Variants in DGKI observed in about 807,000 individuals in gnomAD.
The protein encoded by DGKI is diacylglycerol kinase iota.
In DGKI, 55 loss-of-function variants were observed where a neutral mutation model predicts 147.5. The ratio of observed to expected loss-of-function variants is 0.37; its 90% confidence interval spans 0.30 to 0.47. The LOEUF is 0.47. DGKI is among the 20% of genes least tolerant of loss of function. The pLI is 1.00. For synonymous variants in DGKI, 469 were observed against 477.1 expected (o/e 0.98, Z 0.22); for missense variants, 1,007 against 1,323.8 (o/e 0.76, Z 3.71).
chr7:137,412,128 T>C (rs1812184960), intron 29 of DGKI, 42 bp downstream of exon 29: 2 of 1,572,020 alleles, frequency 1.3e-6, no homozygotes, highest in Admixed American at 3.3e-5. Context: ...TGATTTAAAG[T>C]TCTTAAAGCA....
intron 1 of DGKI, among the ~76,000 whole-genome samples, chr7:137,761,023 G>A (rs772622801): frequency 2.6e-5 from 4 of 152,002 alleles, no homozygotes; most frequent in Admixed American, 6.5e-5. Flanking sequence ...TCTCAGCATC[G>A]AAACACAATT....
chr7:137,596,496 T>A (rs1819802915), intron 12 of DGKI, among the ~76,000 whole-genome samples: 1 of 152,166 alleles, frequency 6.6e-6, no homozygotes, highest in Admixed American at 6.6e-5. Context: ...ATCCCTTAAA[T>A]TGATCTCCCT....
chr7:137,809,858 C>T (rs958193915), intron 1 of DGKI, among the ~76,000 whole-genome samples: 5 of 151,716 alleles, frequency 3.3e-5, no homozygotes, highest in African/African-American at 4.8e-5. Context: ...GAGCCATGAT[C>T]GCACCACTGC....
intron 20 of DGKI, among the ~76,000 whole-genome samples, chr7:137,544,783 A>G (rs993828807): frequency 1.3e-5 from 2 of 152,160 alleles, no homozygotes; most frequent in African/African-American, 4.8e-5. Context: ...TCATATTAAG[A>G]TATTGCCAAT....
chr7:137,535,315 G>A (rs10281244), intron 20 of DGKI, among the ~76,000 whole-genome samples: 9,138 of 151,928 alleles, frequency 0.06, 676 homozygotes, highest in African/African-American at 0.18. Context: ...TGATATCCCC[G>A]CCCTGGCTAT....
intron 11 of DGKI, among the ~76,000 whole-genome samples, chr7:137,598,450 C>CA (rs1819875043): frequency 6.6e-6 from 1 of 152,204 alleles, no homozygotes; most frequent in African/African-American, 2.4e-5. Context: ...ATCACATCTA[C>CA]AATTCCATCT....
chr7:137,431,189 C>T (rs1242858965), intron 28 of DGKI, among the ~76,000 whole-genome samples: 1 of 151,592 alleles, frequency 6.6e-6, no homozygotes, highest in Non-Finnish European at 1.5e-5. Flanking sequence ...AGAAACAAAG[C>T]AAACAGTTAA....
In DGKI at chr7:137,623,684, A is replaced by AGAATT. The variant is rs1215220525; in HGVS notation, c.805-135_805-131dup. The AGAATT allele has an allele frequency of 4.2e-6, 3 of 717,772 alleles. No homozygotes were observed. The East Asian group carries it at 7.6e-5, about 18-fold the overall frequency. The allele number at this position is 717,772 out of a possible 1,614,324, so 44.5% of individuals were successfully genotyped here. A position where few individuals can be genotyped will look rare whatever the true frequency, so the allele number is the denominator to read the frequency against. On this transcript the variant is annotated intron_variant, in intron 6 of 32. Coordinates refer to ENST00000614521, the MANE Select transcript of DGKI (RefSeq NM_001321708.2). ...CTGTCACCCACCACTGGAGGTAAGT[A>AGAATT]GAATTGCAAAGGCCACATTGAGCAC...
chr7:137,519,908 A>T (rs1428622285), intron 21 of DGKI, among the ~76,000 whole-genome samples: 2 of 152,094 alleles, frequency 1.3e-5, no homozygotes, highest in African/African-American at 2.4e-5. Flanking sequence ...ACATCTTTAG[A>T]ATAACTCCTT....
intron 1 of DGKI, among the ~76,000 whole-genome samples, chr7:137,759,835 C>T (rs1445895104): frequency 1.3e-5 from 2 of 152,096 alleles, no homozygotes; most frequent in African/African-American, 4.8e-5. Flanking sequence ...CCCTCCCTCA[C>T]ACACATTTTG....
At chr7:137,479,735 T>C (rs1386031579) in intron 23 of DGKI, among the ~76,000 whole-genome samples, 1 of 152,156 alleles carries the variant, frequency 6.6e-6, no homozygotes, top group Non-Finnish European at 1.5e-5. Context: ...AATCCCTGCC[T>C]CATTTAATAA....
At chr7:137,435,007 C>T (rs1345283778) in intron 28 of DGKI, among the ~76,000 whole-genome samples, 1 of 152,132 alleles carries the variant, frequency 6.6e-6, no homozygotes, top group Non-Finnish European at 1.5e-5. Flanking sequence ...CACATAGTAA[C>T]TGAATCTCTG....
intron 12 of DGKI, among the ~76,000 whole-genome samples, chr7:137,587,460 T>A (rs1819447949): frequency 1.3e-5 from 2 of 152,204 alleles, no homozygotes; most frequent in African/African-American, 2.4e-5. Context: ...CATTCATGCG[T>A]GCGTTTAACT....
intron 1 of DGKI, among the ~76,000 whole-genome samples, chr7:137,695,323 TTACCGAATGTC>T (rs1823745949): frequency 6.6e-6 from 1 of 152,236 alleles, no homozygotes; most frequent in Non-Finnish European, 1.5e-5. Context: ...AACAATGTAT[TTACCGAATGTC>T]TATTTTATGC....
chr7:137,578,913 T>C (rs181871577), intron 15 of DGKI, among the ~76,000 whole-genome samples: 3 of 152,342 alleles, frequency 2.0e-5, no homozygotes, highest in East Asian at 1.9e-4. Flanking sequence ...AATGCCAGTT[T>C]AATTATTCCT....
chr7:137,615,203 A>T (rs529864652), intron 8 of DGKI, among the ~76,000 whole-genome samples: 6 of 152,204 alleles, frequency 3.9e-5, no homozygotes, highest in South Asian at 4.1e-4. Flanking sequence ...TCTCCCAAAG[A>T]TGCATACTGA....
At chr7:137,783,321 A>G (rs1292880956) in intron 1 of DGKI, among the ~76,000 whole-genome samples, 8 of 152,348 alleles carry the variant, frequency 5.3e-5, no homozygotes, top group African/African-American at 1.9e-4. Flanking sequence ...ACACACAGAA[A>G]TGCAAAATGC....
chr7:137,546,451 T>A (rs559320944), intron 20 of DGKI, among the ~76,000 whole-genome samples: 1 of 152,270 alleles, frequency 6.6e-6, no homozygotes, highest in East Asian at 1.9e-4. Context: ...CAAAAGACAA[T>A]CATCTTAAAA....
chr7:137,815,096 G>C (rs2117013653), intron 1 of DGKI, among the ~76,000 whole-genome samples: 1 of 151,604 alleles, frequency 6.6e-6, no homozygotes, highest in Admixed American at 6.6e-5. Context: ...TTGACCTTTG[G>C]CTCATAAAAG....
Sources: gnomAD v4.1 joint callset for allele counts (sites outside exome capture counted in the v4.1 genomes callset) on GRCh38, gnomAD v4.1.1 for gene constraint, MANE v1.5 for transcripts, NCBI Gene and HGNC (gene_info 2026-07-23, HGNC 2026-07-21) for gene names.